PCDHGA7: variants seen among roughly 807,000 people sequenced by gnomAD.
PCDHGA7 encodes the protein protocadherin gamma subfamily A, 7, also known as protocadherin gamma-A7.
A neutral mutation model predicts 58.3 loss-of-function variants in PCDHGA7; 44 were observed. That is an observed-to-expected ratio of 0.75 (90% CI 0.59 to 0.97). PCDHGA7 has a LOEUF of 0.97. PCDHGA7 is among the 50% of genes least tolerant of loss of function. The pLI, the probability that PCDHGA7 is intolerant of heterozygous loss-of-function variation, is 0.00. For synonymous variants in PCDHGA7, 516 were observed against 504.2 expected (o/e 1.02, Z -0.31); for missense variants, 1,266 against 1,188.7 (o/e 1.06, Z -0.96).
chr5:141,424,692 T>C (rs910540428), intron 1 of PCDHGA7: 2 of 152,004 alleles, frequency 1.3e-5, no homozygotes, highest in African/African-American at 4.8e-5. Context: ...CTTCTGGCTA[T>C]TTTTTTGTTC....
rs1368399969 is a variant in PCDHGA7, at chr5:141,383,858, A to C, written c.959A>C (p.Gln320Pro). 1.2e-6 allele frequency: 2 copies of C among 1,613,996 alleles called. No individual in the cohort carries two copies. Residue 320 changes from glutamine (Q) to proline (P), a missense_variant, in exon 1 of 4, where the codon CAG becomes CCG. Coordinates refer to ENST00000518325, the MANE Select transcript of PCDHGA7 (RefSeq NM_018920.4). ...EETAFYEMEV[Q>P]AQDGPGSLTK... ...ACTGCCTTCTATGAAATGGAGGTTC[A>C]GGCTCAAGATGGTCCTGGTAGTCTG...
rs140933475 is a variant in PCDHGA7 at position 141,477,405 on chromosome 5, G to A, written c.2425-17402G>A. The A allele has an allele frequency of 3.8e-4, 608 of 1,614,076 alleles. No individual in the cohort carries two copies. The highest frequency in any genetic ancestry group is 4.6e-4 in the Non-Finnish European group (540 of 1,180,022). On this transcript the variant is annotated intron_variant, in intron 1 of 3. Transcript: ENST00000518325. This position sits in a 1 kb window ranked among gnomAD's most constrained non-coding sequence, Gnocchi z 4.9. ...GAATACAACCTCAGCATCACCGCCC[G>A]AGACGCCGGAACCCCTTCCCTCTCA...
chr5:141,419,138 A>C, intron 1 of PCDHGA7: 1 of 1,613,920 alleles, frequency 6.2e-7, no homozygotes, highest in Non-Finnish European at 8.5e-7. Context: ...AGCCACAGAC[A>C]GGGGCAAGCC....
chr5:141,454,088 T>C (rs2154564493), intron 1 of PCDHGA7, among the ~76,000 whole-genome samples: 1 of 152,342 alleles, frequency 6.6e-6, no homozygotes. Context: ...CAGTGAAATT[T>C]GAATTGAACA....
chr5:141,423,332 C>G, intron 1 of PCDHGA7: 2 of 1,614,198 alleles, frequency 1.2e-6, no homozygotes, highest in Non-Finnish European at 1.7e-6. Flanking sequence ...GCCGCAGTCT[C>G]CTGCATCTTC....
At chr5:141,400,360 C>T (rs1327384409) in intron 1 of PCDHGA7, 2 of 1,614,030 alleles carry the variant, frequency 1.2e-6, no homozygotes, top group East Asian at 2.2e-5. Context: ...GGGGACTTTG[C>T]CTTATTCCTA....
At chr5:141,410,302 A>G (rs1332359508) in intron 1 of PCDHGA7, 1 of 1,613,356 alleles carries the variant, frequency 6.2e-7, no homozygotes, top group Non-Finnish European at 8.5e-7. Context: ...CCTTAATCTC[A>G]GTGCTCTTCC....
At position 141,395,150 on chromosome 5, in the gene PCDHGA7, C is replaced by T. The variant is rs368875505; in HGVS notation, c.2424+9827C>T. ...CCCAGCCCAACTACGCAGACATGCT[C>T]ATCAGTCAGGAGGGCTGTGAGAAAA... On this transcript the variant is annotated intron_variant, in intron 1 of 3. Transcript: ENST00000518325. 8 of 1,614,044 alleles carry T rather than the reference C, an allele frequency of 5.0e-6. No individual in the cohort carries two copies. In the African/African-American group the frequency reaches 6.7e-5, roughly 13 times the overall value.
intron 1 of PCDHGA7, chr5:141,398,504 T>C: frequency 6.2e-7 from 1 of 1,611,098 alleles, no homozygotes; most frequent in Admixed American, 1.7e-5. Flanking sequence ...ATCGAGGACA[T>C]TAATGACCAC....
chr5:141,455,529 G>A (rs2098825323), intron 1 of PCDHGA7, among the ~76,000 whole-genome samples: 1 of 152,146 alleles, frequency 6.6e-6, no homozygotes, highest in Non-Finnish European at 1.5e-5. Flanking sequence ...GGTTTGACCA[G>A]GCATATCATT....
chr5:141,476,416 A>C lies in PCDHGA7; in HGVS notation c.2425-18391A>C, dbSNP rs2099391138. On this transcript the variant is annotated intron_variant, in intron 1 of 3. Coordinates refer to ENST00000518325, the MANE Select transcript of PCDHGA7 (RefSeq NM_018920.4). The surrounding 1 kb of genome is among the most constrained non-coding windows in gnomAD (Gnocchi z 7.6). ...TGGATCGAGAGGAGCTGTGTGGGACACTGCCCTCTTGCACTGTAACTCTGG... is the reference window on the plus strand; with the variant it reads ...TGGATCGAGAGGAGCTGTGTGGGACCCTGCCCTCTTGCACTGTAACTCTGG... 6.2e-7 allele frequency: 1 copy of C among 1,614,056 alleles called. No homozygotes were observed. The highest frequency in any genetic ancestry group is 8.5e-7 in the Non-Finnish European group (1 of 1,179,994).
chr5:141,418,669 C>G, intron 1 of PCDHGA7: 1 of 1,614,018 alleles, frequency 6.2e-7, no homozygotes, highest in Non-Finnish European at 8.5e-7. Flanking sequence ...CTGACCAGGA[C>G]GAGGGCATCA....
Position 141,489,160 on chromosome 5 carries a change from C to A in PCDHGA7, c.2425-5647C>A. 1 of 1,029,962 alleles carries A rather than the reference C, an allele frequency of 9.7e-7. No individual in the cohort carries two copies. The highest frequency in any genetic ancestry group is 1.4e-6 in the Non-Finnish European group (1 of 701,366). 63.8% of individuals were successfully genotyped at this position (1,029,962 alleles called of 1,614,324 possible). ...GGCTGGAAGGAGACATAAGAGACTT[C>A]AGCTGCTGCATTCCAAGCCCTGGGT... On this transcript the variant is annotated intron_variant, in intron 1 of 3. Coordinates refer to ENST00000518325, the MANE Select transcript of PCDHGA7 (RefSeq NM_018920.4). The surrounding 1 kb of genome is among the most constrained non-coding windows in gnomAD (Gnocchi z 4.5).
chr5:141,453,067 C>A (rs1227122711), intron 1 of PCDHGA7, among the ~76,000 whole-genome samples: 1 of 152,024 alleles, frequency 6.6e-6, no homozygotes, highest in African/African-American at 2.4e-5. Context: ...AGAGTTTTGC[C>A]ACACTCTGGT....
In PCDHGA7 at chr5:141,485,520, T is replaced by G. The variant is rs2099615008; in HGVS notation, c.2425-9287T>G. On this transcript the variant is annotated intron_variant, in intron 1 of 3. Transcript: ENST00000518325. This position sits in a 1 kb window ranked among gnomAD's most constrained non-coding sequence, Gnocchi z 5.7. ...TTTGTCACCGAAGGTCCTTTGGAAA[T>G]GTACCGAGCAGAGGTAGAGATCGTA... 1 of 1,614,108 alleles carries G rather than the reference T, an allele frequency of 6.2e-7. No homozygotes were observed. The highest frequency in any genetic ancestry group is 8.5e-7 in the Non-Finnish European group (1 of 1,180,012).
chr5:141,441,918 C>A (rs1183933153), intron 1 of PCDHGA7: 8 of 351,246 alleles, frequency 2.3e-5, no homozygotes, highest in African/African-American at 1.1e-4. Flanking sequence ...ATGTGAGACA[C>A]AATGCGTGGC....
chr5:141,397,092 G>A (rs1422724446), intron 1 of PCDHGA7, among the ~76,000 whole-genome samples: 3 of 152,136 alleles, frequency 2.0e-5, no homozygotes, highest in South Asian at 2.1e-4. Flanking sequence ...ATTTCAGATA[G>A]GATAATAATG....
chr5:141,482,758 T>TGC (rs1413945459), intron 1 of PCDHGA7, among the ~76,000 whole-genome samples: 74 of 141,724 alleles, frequency 5.2e-4, no homozygotes, highest in African/African-American at 9.9e-4. Flanking sequence ...ATTATGGTAT[T>TGC]TCATTATCAC....
chr5:141,395,190 A>T (rs769197632), intron 1 of PCDHGA7: 1 of 1,614,028 alleles, frequency 6.2e-7, no homozygotes, highest in East Asian at 2.2e-5. Context: ...TTCTTTGTTA[A>T]CATCCGTAGA....
Sources: gnomAD v4.1 joint callset for allele counts (sites outside exome capture counted in the v4.1 genomes callset) on GRCh38, gnomAD v4.1.1 for gene constraint, Gnocchi (gnomAD v3.1) non-coding constraint, MANE v1.5 for transcripts, NCBI Gene and HGNC (gene_info 2026-07-23, HGNC 2026-07-21) for gene names.